Variants in PLCH2 observed in about 807,000 individuals in gnomAD.
PLCH2 encodes phospholipase C eta 2, also known as 1-phosphatidylinositol 4,5-bisphosphate phosphodiesterase eta-2.
PLCH2 carries 98 observed loss-of-function variants against 134.7 expected under a neutral mutation model. The ratio of observed to expected loss-of-function variants is 0.73; its 90% CI spans 0.62 to 0.86. The LOEUF is 0.86. Among genes scored for constraint, PLCH2 ranks in the 40% least tolerant of loss-of-function variants. The probability of loss-of-function intolerance (pLI) is 0.00; values close to 1 mark genes in which losing one functional copy is unlikely to be tolerated. For missense variants in PLCH2, 1,994 were observed against 1,986.6 expected (o/e 1.00, Z -0.07); for synonymous variants, 974 against 827.5 (o/e 1.18, Z -3.04).
chr1:2,502,954 C>T (rs766279334), intron 21 of PLCH2: 17 of 716,998 alleles, frequency 2.4e-5, no homozygotes, highest in Non-Finnish European at 4.4e-5. Context: ...ACGCCCCTGG[C>T]ATGGCTGGGC....
Position 2,444,446 on chromosome 1 carries a change from G to T in PLCH2, c.115+13817G>T, listed in dbSNP as rs1299340730. On this transcript the variant is annotated intron_variant, in intron 2 of 3. Transcript: ENST00000609981. The surrounding 1 kb of genome is among the most constrained non-coding windows in gnomAD (Gnocchi z 4.6). Reference sequence around the variant, plus strand: ...GGCCTCTCCCCACACTAGCAGGTGGGGTGCAGCGGGCACTGCCCGGGCAGG... The same window carrying T: ...GGCCTCTCCCCACACTAGCAGGTGGTGTGCAGCGGGCACTGCCCGGGCAGG... 6.6e-6 allele frequency among the ~76,000 whole-genome samples: 1 copy of T among 152,182 alleles called. No individual in the cohort carries two copies.
At chr1:2,495,884 A>G (rs981239539) in intron 13 of PLCH2, among the ~76,000 whole-genome samples, 1 of 151,950 alleles carries the variant, frequency 6.6e-6, no homozygotes, top group Non-Finnish European at 1.5e-5. Flanking sequence ...TGCCCTCCCC[A>G]GGGGGCAACA....
intron 2 of PLCH2, among the ~76,000 whole-genome samples, chr1:2,443,818 G>T (rs1570272502): frequency 6.7e-6 from 1 of 148,300 alleles, no homozygotes; most frequent in South Asian, 2.1e-4. Context: ...CCGAGCTGGC[G>T]GGGCGATGCC....
intron 2 of PLCH2, among the ~76,000 whole-genome samples, chr1:2,450,234 T>C (rs1362784548): frequency 6.6e-6 from 1 of 152,094 alleles, no homozygotes; most frequent in East Asian, 1.9e-4. Context: ...TTGGTTTTTG[T>C]CTGCAAAATG....
At chr1:2,427,583 G>C (rs540608429) in intron 1 of PLCH2, among the ~76,000 whole-genome samples, 16 of 152,290 alleles carry the variant, frequency 1.1e-4, no homozygotes, top group Admixed American at 2.6e-4. Context: ...TGAGCCAGGG[G>C]ATACCAGCCA....
chr1:2,478,593 G>C lies in PLCH2; in HGVS notation c.242G>C (p.Arg81Thr), dbSNP rs1368857132. 7 of 1,611,638 alleles carry C rather than the reference G, an allele frequency of 4.3e-6. No homozygotes were observed. Among genetic ancestry groups the C allele is most frequent in the African/African-American group, 1.3e-5 (1 of 74,920 alleles). Reference sequence around the variant, plus strand: ...GAGCACCGCTCCTGCATCCGCTGGAGGCCCTCACGCAAGAACGAGAAGGCC... The same window carrying C: ...GAGCACCGCTCCTGCATCCGCTGGACGCCCTCACGCAAGAACGAGAAGGCC... Reference protein sequence around the residue: ...LDEHRSCIRWRPSRKNEKAKI... With the variant: ...LDEHRSCIRWTPSRKNEKAKI... Residue 81 changes from arginine (R) to threonine (T), a missense_variant, in exon 2 of 22, where the codon AGG becomes ACG. Physicochemically the swap from Arg to Thr is moderately conservative, Grantham distance 71. Coordinates refer to ENST00000378486, the MANE Select transcript of PLCH2 (RefSeq NM_014638.4).
chr1:2,504,086 G>A lies in PLCH2; in HGVS notation c.3124G>A (p.Ala1042Thr). 1 of 1,546,336 alleles carries A rather than the reference G, an allele frequency of 6.5e-7. No homozygotes were observed. Among genetic ancestry groups the A allele is most frequent in the Admixed American group, 2.0e-5 (1 of 49,904 alleles). Residue 1042 changes from alanine (A) to threonine (T), a missense_variant, in exon 22 of 22, where the codon GCA (alanine) becomes ACA (threonine). This residue lies in a region of PLCH2 where 900 missense variants were observed against 752.3 expected (regional missense o/e 1.20). Transcript: ENST00000378486. ...PYPTGPGANV[A>T]SPLEDTEEPR... is the part of the protein sequence containing the mutation. ...CCCCACAGGACCCGGAGCCAATGTG[G>A]CAAGCCCCCTAGAGGACACTGAGGA...
At chr1:2,490,422 C>T (rs1642509704) in intron 10 of PLCH2, among the ~76,000 whole-genome samples, 1 of 152,172 alleles carries the variant, frequency 6.6e-6, no homozygotes, top group Admixed American at 6.5e-5. Context: ...GTGTCCCCGC[C>T]AGGGCCAGGG....
intron 13 of PLCH2, among the ~76,000 whole-genome samples, chr1:2,496,105 T>A (rs1642868637): frequency 6.6e-6 from 1 of 151,250 alleles, no homozygotes; most frequent in African/African-American, 2.4e-5. Flanking sequence ...CTCACTTCCA[T>A]CCCCCAATGG....
the PLCH2 span, among the ~76,000 whole-genome samples, chr1:2,420,013 T>C: frequency 1.2e-4 from 1 of 8,224 alleles, no homozygotes; most frequent in Non-Finnish European, 2.3e-4. Flanking sequence ...CACTACCCCC[T>C]CCTGTGCTGC....
At chr1:2,485,525 C>CT (rs912205314) in intron 5 of PLCH2, among the ~76,000 whole-genome samples, 2 of 152,112 alleles carry the variant, frequency 1.3e-5, no homozygotes, top group Non-Finnish European at 1.5e-5. Context: ...GGGGGTGCTG[C>CT]TTAGGGACCT....
chr1:2,478,493 G>A lies in PLCH2; in HGVS notation c.142G>A (p.Ala48Thr), dbSNP rs887934400. Reference protein sequence around the residue: ...LGPLVERCMGAMQEGMQMVKL... With the variant: ...LGPLVERCMGTMQEGMQMVKL... The stretch of plus-strand genomic sequence containing the variant: ...GTGTCCAGTGGAGCGGTGCATGGGT[G>A]CCATGCAAGAGGGGATGCAGATGGT... The change falls in exon 2 of 22, where the codon GCC becomes ACC. Residue 48 changes from alanine (A) to threonine (T), a missense_variant. Physicochemically the swap from Ala to Thr is moderately conservative, Grantham distance 58. Transcript: ENST00000378486. 6.2e-7 allele frequency: 1 copy of A among 1,612,548 alleles called. No individual in the cohort carries two copies. Among genetic ancestry groups the A allele is most frequent in the African/African-American group, 1.3e-5 (1 of 74,934 alleles).
Position 2,479,964 on chromosome 1 carries a change from C to A in PLCH2, c.502C>A (p.Arg168Ser). ...SDEDSLARRQ[R>S]TRDQWLKQTF... ...CGAGGACAGCCTGGCTCGCCGCCAG[C>A]GCACCAGGGACCAATATCCTTGGGC... Residue 168 changes from arginine (R) to serine (S), a missense_variant, in exon 3 of 22, where the codon CGC becomes AGC. Physicochemically the swap from Arg to Ser is moderately radical, Grantham distance 110. Transcript: ENST00000378486. The A allele has an allele frequency of 6.2e-7, 1 of 1,605,636 alleles. No individual in the cohort carries two copies. The highest frequency in any genetic ancestry group is 8.5e-7 in the Non-Finnish European group (1 of 1,175,174).
chr1:2,482,952 C>T (rs1642055179), intron 4 of PLCH2, among the ~76,000 whole-genome samples: 1 of 152,204 alleles, frequency 6.6e-6, no homozygotes, highest in African/African-American at 2.4e-5. Context: ...TAGCCTGCTT[C>T]CTCGACCCCA....
At chr1:2,458,364 G>C (rs893581191) in intron 2 of PLCH2, among the ~76,000 whole-genome samples, 2 of 152,232 alleles carry the variant, frequency 1.3e-5, no homozygotes, top group African/African-American at 4.8e-5. Flanking sequence ...GCACTAGCAG[G>C]GGGCTGGGCA....
At position 2,499,113 on chromosome 1, in the gene PLCH2, G is replaced by A; in HGVS notation, c.2464G>A (p.Val822Ile). The A allele has an allele frequency of 6.2e-7, 1 of 1,612,028 alleles. No homozygotes were observed. Among genetic ancestry groups the A allele is most frequent in the African/African-American group, 1.3e-5 (1 of 75,032 alleles). The change falls in exon 19 of 22, where the codon GTT becomes ATT. Residue 822 changes from valine (V) to isoleucine (I), a missense_variant. Val to Ile is a conservative substitution (Grantham distance 29, BLOSUM62 3). This residue lies in a region of PLCH2 where 1,094 missense variants were observed against 1,234.3 expected (regional missense o/e 0.89). Coordinates refer to ENST00000378486, the MANE Select transcript of PLCH2 (RefSeq NM_014638.4). ...GFNPTWEETL[V>I]FMVHMPEIAL... ...CAACCCCACCTGGGAGGAGACCCTG[G>A]TTTTCATGGTGCACATGCCGGAGAT... is the stretch of plus-strand genomic sequence containing the variant.
chr1:2,424,014 C>T (rs1195931441), upstream of PLCH2, among the ~76,000 whole-genome samples: 3 of 152,108 alleles, frequency 2.0e-5, no homozygotes, highest in Non-Finnish European at 4.4e-5. Flanking sequence ...GTGCTCCCAC[C>T]CTGGCCTCCC....
chr1:2,467,404 GGGCGGTCCCAGC>G (rs1374997047), upstream of PLCH2: 26 of 386,984 alleles, frequency 6.7e-5, no homozygotes, highest in Admixed American at 6.8e-4. Flanking sequence ...CCCACGGGAG[GGGCGGTCCCAGC>G]GGCGGCCCCG....
chr1:2,476,844 C>G, intron 1 of PLCH2, 132 bp downstream of exon 1: 1 of 977,814 alleles, frequency 1.0e-6, no homozygotes, highest in Non-Finnish European at 1.4e-6. Context: ...CCCTGTCCCC[C>G]GGGTGCTCTA....
Sources: allele counts gnomAD v4.1 joint callset (sites outside exome capture counted in the v4.1 genomes callset), GRCh38; gene constraint gnomAD v4.1.1; regional missense constraint gnomAD v4.1.1; non-coding constraint Gnocchi (gnomAD v3.1); transcripts MANE v1.5; gene names NCBI Gene and HGNC (gene_info 2026-07-23, HGNC 2026-07-21).